Variants in FAM135B observed in about 807,000 individuals in gnomAD.
FAM135B encodes the protein protein FAM135B.
In FAM135B, 43 loss-of-function variants were observed where a neutral mutation model predicts 127.7. That is an observed-to-expected ratio of 0.34 (90% CI 0.26 to 0.43). The LOEUF is 0.43. Ranked by LOEUF, FAM135B falls within the 20% of genes least tolerant of loss-of-function variation. The pLI is 1.00. For missense variants in FAM135B, 1,558 were observed against 1,725.6 expected (o/e 0.90, Z 1.72); for synonymous variants, 670 against 665.1 (o/e 1.01, Z -0.11).
intron 1 of FAM135B, among the ~76,000 whole-genome samples, chr8:138,427,273 TTA>T (rs34227349): frequency 2.6e-3 from 381 of 146,252 alleles, no homozygotes; most frequent in African/African-American, 5.2e-3. Context: ...TTCATCAAGA[TTA>T]TATATATATA....
At chr8:138,165,631 T>C (rs1004669391) in intron 12 of FAM135B, among the ~76,000 whole-genome samples, 1 of 150,820 alleles carries the variant, frequency 6.6e-6, no homozygotes, top group East Asian at 1.9e-4. Context: ...TCAGATTCTC[T>C]GTAGTTAAAT....
At chr8:138,355,784 G>A (rs1358283390) in intron 2 of FAM135B, among the ~76,000 whole-genome samples, 2 of 152,130 alleles carry the variant, frequency 1.3e-5, no homozygotes, top group Admixed American at 1.3e-4. Context: ...AGAAATAGGG[G>A]GAGAAAGACA....
chr8:138,201,289 T>C (rs1817098791), intron 7 of FAM135B, among the ~76,000 whole-genome samples: 2 of 152,174 alleles, frequency 1.3e-5, no homozygotes, highest in South Asian at 4.1e-4. Flanking sequence ...AAGTCTCTTA[T>C]CAAGTTTGAC....
chr8:138,225,959 A>G (rs1227699947), intron 7 of FAM135B, among the ~76,000 whole-genome samples: 2 of 152,178 alleles, frequency 1.3e-5, no homozygotes, highest in Non-Finnish European at 2.9e-5. Flanking sequence ...CTCATTCCAT[A>G]GGGGCCTAGC....
At chr8:138,388,624 A>C (rs1832358415) in intron 1 of FAM135B, among the ~76,000 whole-genome samples, 1 of 152,234 alleles carries the variant, frequency 6.6e-6, no homozygotes. Context: ...ATATTAGTAA[A>C]GTGAAAAAAT....
intron 2 of FAM135B, among the ~76,000 whole-genome samples, chr8:138,331,852 G>A (rs1828203929): frequency 6.6e-6 from 1 of 152,132 alleles, no homozygotes; most frequent in Admixed American, 6.5e-5. Flanking sequence ...CTGAGCATCT[G>A]GCCCTGTTGT....
intron 7 of FAM135B, among the ~76,000 whole-genome samples, chr8:138,223,618 T>C (rs1238697405): frequency 6.6e-6 from 1 of 152,186 alleles, no homozygotes; most frequent in African/African-American, 2.4e-5. Flanking sequence ...AAGGATCCTT[T>C]GGCATGGATT....
chr8:138,261,588 T>C (rs1178586913), intron 4 of FAM135B, among the ~76,000 whole-genome samples: 1 of 152,234 alleles, frequency 6.6e-6, no homozygotes, highest in Non-Finnish European at 1.5e-5. Context: ...TCTATGCATT[T>C]TGTAAGGCTT....
At chr8:138,258,803 C>CACCACACACA (rs112481181) in intron 4 of FAM135B, among the ~76,000 whole-genome samples, 7 of 146,526 alleles carry the variant, frequency 4.8e-5, no homozygotes, top group African/African-American at 1.8e-4. Context: ...GACACACACA[C>CACCACACACA]CACACACACA....
At chr8:138,476,536 T>C (rs1032051010) in intron 1 of FAM135B, among the ~76,000 whole-genome samples, 1 of 151,806 alleles carries the variant, frequency 6.6e-6, no homozygotes, top group Admixed American at 6.6e-5. Context: ...ATTAAGTCTA[T>C]TAAAAACAGA....
chr8:138,473,464 C>T (rs1814187501), intron 1 of FAM135B, among the ~76,000 whole-genome samples: 1 of 152,132 alleles, frequency 6.6e-6, no homozygotes, highest in Admixed American at 6.6e-5. Context: ...ACATAGATCC[C>T]ATCTTCCTGT....
Position 138,143,531 on chromosome 8 carries a change from C to T in FAM135B, c.3541-422G>A, listed in dbSNP as rs191926901. 2.4e-4 allele frequency among the ~76,000 whole-genome samples: 36 copies of T among 152,254 alleles called. No individual in the cohort carries two copies. The East Asian group carries it at 3.9e-3, about 16-fold the overall frequency. On this transcript the variant is annotated intron_variant, in intron 15 of 19. Transcript: ENST00000395297. ...TCCAAAGGCCCTGCCCTTTCTGTGG[C>T]ATAGCCTTTAGAGTATGCAGTCAGC...
intron 7 of FAM135B, among the ~76,000 whole-genome samples, chr8:138,211,224 G>A (rs1438175407): frequency 6.6e-6 from 1 of 152,120 alleles, no homozygotes; most frequent in Non-Finnish European, 1.5e-5. Context: ...AATAGGTCTG[G>A]TTTTTATTTA....
At chr8:138,419,866 T>G (rs201670356) in intron 1 of FAM135B, among the ~76,000 whole-genome samples, 4 of 151,994 alleles carry the variant, frequency 2.6e-5, no homozygotes, top group African/African-American at 9.7e-5. Context: ...AAGTTAATAG[T>G]GCTAAACACC....
At chr8:138,370,001 C>T (rs1178981503) in intron 1 of FAM135B, among the ~76,000 whole-genome samples, 1 of 152,128 alleles carries the variant, frequency 6.6e-6, no homozygotes, top group African/African-American at 2.4e-5. Flanking sequence ...AGAGTGCCAG[C>T]CTACCATCTA....
intron 3 of FAM135B, among the ~76,000 whole-genome samples, chr8:138,275,298 C>T (rs1823731327): frequency 6.6e-6 from 1 of 152,182 alleles, no homozygotes. Context: ...TCCTTCCTAT[C>T]TCTTTCAAAA....
intron 3 of FAM135B, among the ~76,000 whole-genome samples, chr8:138,279,518 C>T (rs2130731109): frequency 6.6e-6 from 1 of 152,332 alleles, no homozygotes; most frequent in East Asian, 1.9e-4. Flanking sequence ...TTATAAGCTG[C>T]ACAGGCTCTG....
At chr8:138,291,999 A>G (rs933772545) in intron 3 of FAM135B, among the ~76,000 whole-genome samples, 6 of 152,130 alleles carry the variant, frequency 3.9e-5, no homozygotes, top group Non-Finnish European at 7.4e-5. Context: ...GGCAGATGAC[A>G]TGATCTCATA....
rs1463072086 is a variant in FAM135B at position 138,130,277 on chromosome 8, C to G, written c.*2316G>C. The stretch of plus-strand genomic sequence containing the variant: ...AGAAAGAGACATAAAAAAGCCTTTT[C>G]AAATGAGGCATGACACGCAACACTC... On this transcript the variant is annotated 3_prime_UTR_variant, in exon 20 of 20. Transcript: ENST00000395297. The G allele has an allele frequency of 6.6e-6, 1 of 151,544 alleles. No homozygotes were observed. The highest frequency in any genetic ancestry group is 2.4e-5 in the African/African-American group (1 of 41,288). 9.4% of individuals were successfully genotyped at this position (151,544 alleles called of 1,614,324 possible). A position where few individuals can be genotyped will look rare whatever the true frequency, so the allele number is the denominator to read the frequency against.
Sources: allele counts gnomAD v4.1 joint callset (sites outside exome capture counted in the v4.1 genomes callset), GRCh38; gene constraint gnomAD v4.1.1; transcripts MANE v1.5; gene names NCBI Gene and HGNC (gene_info 2026-07-23, HGNC 2026-07-21).